COL16A1: variants seen among roughly 807,000 people sequenced by gnomAD.
COL16A1 encodes the protein collagen alpha-1(XVI) chain.
A neutral mutation model predicts 266.3 loss-of-function variants in COL16A1; 189 were observed. The ratio of observed to expected loss-of-function variants is 0.71; its 90% CI spans 0.63 to 0.80. The LOEUF is 0.80. Ranked by LOEUF, COL16A1 falls within the 30% of genes least tolerant of loss-of-function variation. The probability of loss-of-function intolerance (pLI) is 0.00; values close to 1 mark genes in which losing one functional copy is unlikely to be tolerated. For synonymous variants in COL16A1, 740 were observed against 782.3 expected (o/e 0.95, Z 0.90); for missense variants, 1,928 against 2,122.4 (o/e 0.91, Z 1.80).
chr1:31,688,548 C>G lies in COL16A1; in HGVS notation c.1768-46G>C, dbSNP rs1429523271. On this transcript the variant is annotated intron_variant, in intron 25 of 70. Coordinates refer to ENST00000373672, the MANE Select transcript of COL16A1 (RefSeq NM_001856.4). This position sits in a 1 kb window ranked among gnomAD's most constrained non-coding sequence, Gnocchi z 4.9. ...AGTCTCAGCATCTCCCCACTCCCAC[C>G]TCTCCAAGGCTCCCCGGGTCCCAGT... 1.2e-6 allele frequency: 2 copies of G among 1,613,030 alleles called. No individual in the cohort carries two copies. The highest frequency in any genetic ancestry group is 3.3e-5 in the Admixed American group (2 of 60,018).
chr1:31,676,934 G>A (rs915136235), intron 42 of COL16A1, among the ~76,000 whole-genome samples: 11 of 152,188 alleles, frequency 7.2e-5, no homozygotes, highest in African/African-American at 2.4e-4. Flanking sequence ...ACCAGCCCCC[G>A]AGCAATTTCC....
At position 31,683,202 on chromosome 1, in the gene COL16A1, C is replaced by A. The variant is rs759814441; in HGVS notation, c.2461G>T (p.Gly821Cys). 1.2e-6 allele frequency: 2 copies of A among 1,614,168 alleles called. No individual in the cohort carries two copies. The highest frequency in any genetic ancestry group is 1.7e-6 in the Non-Finnish European group (2 of 1,180,018). ...RGPPGPTGEK[G>C]AQGSPGVKGA... ...TGGAGGCAGAGGCTCACCTGGGCAC[C>A]CTTCTCTCCAGTGGGGCCAGGTGGT... Residue 821 changes from glycine (G) to cysteine (C), a missense_variant, in exon 36 of 71, where the codon GGT becomes TGT. Gly to Cys is a radical substitution (Grantham distance 159). Coordinates refer to ENST00000373672, the MANE Select transcript of COL16A1 (RefSeq NM_001856.4).
intron 66 of COL16A1, chr1:31,655,757 A>G: frequency 1.8e-6 from 1 of 555,722 alleles, no homozygotes; most frequent in Non-Finnish European, 3.0e-6. Flanking sequence ...TTGGCCGGGC[A>G]TGCAAGGCCA....
chr1:31,696,098 C>T lies in COL16A1; in HGVS notation c.908G>A (p.Arg303Lys). ...LTGRISQKAERGAKVHQETAA... is the reference protein window; with the variant it reads ...LTGRISQKAEKGAKVHQETAA... Reference sequence around the variant, plus strand: ...CACCCCCACCTCTACCTTTGCTCCCCTTTCTGCCTTCTGGCTGATTCTTCC... The same window carrying T: ...CACCCCCACCTCTACCTTTGCTCCCTTTTCTGCCTTCTGGCTGATTCTTCC... The change falls in exon 9 of 71, where the codon AGG becomes AAG. Residue 303 changes from arginine to lysine, a missense_variant. Around this residue, in one of 2 missense-constraint regions of COL16A1, gnomAD observed 1,552 missense variants for 1,637.2 expected, o/e 0.95. Coordinates refer to ENST00000373672, the MANE Select transcript of COL16A1 (RefSeq NM_001856.4). 1 of 1,613,592 alleles carries T rather than the reference C, an allele frequency of 6.2e-7. No homozygotes were observed. Among genetic ancestry groups the T allele is most frequent in the East Asian group, 2.2e-5 (1 of 44,848 alleles).
chr1:31,655,307 C>A lies in COL16A1; in HGVS notation c.4290+7G>T, dbSNP rs758141855. On this transcript the variant is annotated splice_region_variant and intron_variant, in intron 67 of 70. Transcript: ENST00000373672. ...CAGTGCCCACAGCTGCCAGCCTTCCCCCTTACCATGGAGCCAGGCACACCA... is the reference window on the plus strand; with the variant it reads ...CAGTGCCCACAGCTGCCAGCCTTCCACCTTACCATGGAGCCAGGCACACCA... The A allele has an allele frequency of 1.1e-5, 17 of 1,611,468 alleles. No individual in the cohort carries two copies. The highest frequency in any genetic ancestry group is 1.3e-5 in the African/African-American group (1 of 74,820).
rs1641236732 is a variant in COL16A1 at position 31,657,150 on chromosome 1, C to CCCAG, written c.4021-86_4021-83dup. 2.6e-6 allele frequency: 4 copies of CCCAG among 1,553,674 alleles called. No individual in the cohort carries two copies. Among genetic ancestry groups the CCCAG allele is most frequent in the Non-Finnish European group, 3.6e-6 (4 of 1,126,012 alleles). ...TGCCTCACTTTGTACATGGGGCAAG[C>CCCAG]CCAGCCCCCTGTTCCACCCAGAGGC... On this transcript the variant is annotated intron_variant, in intron 64 of 70. Coordinates refer to ENST00000373672, the MANE Select transcript of COL16A1 (RefSeq NM_001856.4). The surrounding 1 kb of genome is among the most constrained non-coding windows in gnomAD (Gnocchi z 6.4).
chr1:31,683,875 C>T, intron 33 of COL16A1, 75 bp downstream of exon 33: 2 of 1,609,258 alleles, frequency 1.2e-6, no homozygotes, highest in Non-Finnish European at 1.7e-6. Context: ...TCCAGGCCCA[C>T]TGCCCCCATG....
In COL16A1 at chr1:31,688,412, C is replaced by CCCTG. The variant is rs747658223; in HGVS notation, c.1803+51_1803+54dup. 6.2e-5 allele frequency: 99 copies of CCCTG among 1,602,888 alleles called. No individual in the cohort carries two copies. The highest frequency in any genetic ancestry group is 8.1e-5 in the Non-Finnish European group (95 of 1,170,036). On this transcript the variant is annotated intron_variant, in intron 26 of 70. Transcript: ENST00000373672. The surrounding 1 kb of genome is among the most constrained non-coding windows in gnomAD (Gnocchi z 4.9). The stretch of plus-strand genomic sequence containing the variant: ...TTATTCCCCGCCCGCACCACTCCTC[C>CCCTG]CCTGCCTGCCTGCCAAGAAACTCCA...
intron 47 of COL16A1, 46 bp from the exon 48 acceptor site, chr1:31,671,705 T>A (rs368501541): frequency 6.2e-7 from 1 of 1,612,168 alleles, no homozygotes; most frequent in African/African-American, 1.3e-5. Context: ...CCAGGCCCCA[T>A]AGAGCCCCTG....
At position 31,697,359 on chromosome 1, in the gene COL16A1, C is replaced by T. The variant is rs1644545356; in HGVS notation, c.658-59G>A. 12 of 1,479,392 alleles carry T rather than the reference C, an allele frequency of 8.1e-6. No individual in the cohort carries two copies. Among genetic ancestry groups the T allele is most frequent in the Non-Finnish European group, 1.1e-5 (12 of 1,086,944 alleles). The allele number at this position is 1,479,392 out of a possible 1,614,324, so 91.6% of individuals were successfully genotyped here. On this transcript the variant is annotated intron_variant, in intron 6 of 70. Transcript: ENST00000373672. The surrounding 1 kb of genome is among the most constrained non-coding windows in gnomAD (Gnocchi z 4.2). ...TTTATCAAATAGCTCTGTGTCCTGG[C>T]CCCCCAGGAGGCACAGAGATGTCTC...
chr1:31,666,403 C>T (rs1354405931), intron 52 of COL16A1: 6 of 358,138 alleles, frequency 1.7e-5, no homozygotes, highest in East Asian at 1.2e-4. Flanking sequence ...CTGAGTGGGG[C>T]GCACACTTTC....
rs1468613611 is a variant in COL16A1, at chr1:31,694,005, A to G, written c.1008+139T>C. On this transcript the variant is annotated intron_variant, in intron 12 of 70. Transcript: ENST00000373672. ...CACACAAACCCCTGCTTTCTTTACCACGCATACACTTAATCACCCTACACA... is the reference window on the plus strand; with the variant it reads ...CACACAAACCCCTGCTTTCTTTACCGCGCATACACTTAATCACCCTACACA... 8.4e-6 allele frequency: 6 copies of G among 716,648 alleles called. No individual in the cohort carries two copies. In the East Asian group the frequency reaches 1.5e-4, roughly 18 times the overall value. 44.4% of individuals were successfully genotyped at this position (716,648 alleles called of 1,614,324 possible).
Position 31,695,230 on chromosome 1 carries a change from G to T in COL16A1, c.946-9C>A. ...TGGACACAGGGCGGACACTGAAAGG[G>T]AAGAGCAGGCGAAGAGGTCAATTCT... On this transcript the variant is annotated splice_polypyrimidine_tract_variant and intron_variant, in intron 10 of 70. Coordinates refer to ENST00000373672, the MANE Select transcript of COL16A1 (RefSeq NM_001856.4). 6.2e-7 allele frequency: 1 copy of T among 1,613,832 alleles called. No homozygotes were observed. The highest frequency in any genetic ancestry group is 8.5e-7 in the Non-Finnish European group (1 of 1,179,968).
chr1:31,679,677 T>C lies in COL16A1; in HGVS notation c.2727A>G (p.Pro909=). The part of the protein sequence containing the change: ...SSWQPGPQGP[P]GIPGPPGPPG... Reference sequence around the variant, plus strand: ...GGGGGCCTGGTGGTCCGGGAATACCTGGTGGACCCTGAGGGAGAGAGAAAA... The same window carrying C: ...GGGGGCCTGGTGGTCCGGGAATACCCGGTGGACCCTGAGGGAGAGAGAAAA... The change falls in exon 42 of 71, where the codon CCA becomes CCG. Residue 909 remains proline (P), a synonymous_variant. Transcript: ENST00000373672. 6.2e-7 allele frequency: 1 copy of C among 1,614,082 alleles called. No homozygotes were observed. The highest frequency in any genetic ancestry group is 8.5e-7 in the Non-Finnish European group (1 of 1,180,016).
At chr1:31,682,048 G>A (rs1039483858) in intron 37 of COL16A1, among the ~76,000 whole-genome samples, 1 of 152,202 alleles carries the variant, frequency 6.6e-6, no homozygotes, top group African/African-American at 2.4e-5. Context: ...AAAAGCCCAA[G>A]ACAAATTACG....
At chr1:31,660,357 T>C (rs569728953) in intron 62 of COL16A1, among the ~76,000 whole-genome samples, 4 of 152,272 alleles carry the variant, frequency 2.6e-5, no homozygotes, top group Admixed American at 2.6e-4. Flanking sequence ...GGCTCCACAA[T>C]TATTTGTTGA....
At chr1:31,659,558 T>C (rs1641460961) in intron 62 of COL16A1, 1 of 156,150 alleles carries the variant, frequency 6.4e-6, no homozygotes, top group African/African-American at 2.4e-5. Flanking sequence ...CATGCCTCTG[T>C]GGTGCAAAAG....
chr1:31,655,565 T>C, intron 66 of COL16A1, 63 bp from the exon 67 acceptor site: 2 of 1,592,176 alleles, frequency 1.3e-6, no homozygotes, highest in Non-Finnish European at 1.7e-6. Context: ...ATCTGCTCTT[T>C]TCTCTCCACC....
Position 31,662,673 on chromosome 1 carries a change from C to CGGGGGGGGGG in COL16A1, c.3556-16_3556-15insCCCCCCCCCC. ...CCTTCGCTGCCCTGGAAACCAGCGC[C>CGGGGGGGGGG]GCCCCCCCCCCCCGCCCCACAATAA... is the stretch of plus-strand genomic sequence containing the variant. On this transcript the variant is annotated splice_polypyrimidine_tract_variant and intron_variant, in intron 56 of 70. Transcript: ENST00000373672. 8.5e-7 allele frequency: 1 copy of CGGGGGGGGGG among 1,174,538 alleles called. No individual in the cohort carries two copies. The highest frequency in any genetic ancestry group is 2.7e-5 in the East Asian group (1 of 37,006). The allele number at this position is 1,174,538 out of a possible 1,614,324, so 72.8% of individuals were successfully genotyped here.
Sources: gnomAD v4.1 joint callset for allele counts (sites outside exome capture counted in the v4.1 genomes callset) on GRCh38, gnomAD v4.1.1 for gene constraint, gnomAD v4.1.1 regional missense constraint, Gnocchi (gnomAD v3.1) non-coding constraint, MANE v1.5 for transcripts, NCBI Gene and HGNC (gene_info 2026-07-23, HGNC 2026-07-21) for gene names.